NUP107: variants seen among roughly 807,000 people sequenced by gnomAD.
NUP107 encodes the protein nucleoporin 107, also known as nuclear pore complex protein Nup107.
A neutral mutation model predicts 141.0 loss-of-function variants in NUP107; 101 were observed. That is an observed-to-expected ratio of 0.72 (90% CI 0.61 to 0.84). The LOEUF is 0.84. NUP107 is among the 40% of genes least tolerant of loss of function. The probability of loss-of-function intolerance (pLI) is 0.00; values close to 1 mark genes in which losing one functional copy is unlikely to be tolerated. For missense variants in NUP107, 941 were observed against 1,102.7 expected (o/e 0.85, Z 2.08); for synonymous variants, 319 against 363.9 (o/e 0.88, Z 1.41).
intron 22 of NUP107, among the ~76,000 whole-genome samples, chr12:68,732,310 ATTC>A: frequency 6.6e-6 from 1 of 152,060 alleles, no homozygotes; most frequent in African/African-American, 2.4e-5. Flanking sequence ...AATTTTTTGT[ATTC>A]TTTGTAGAGA....
chr12:68,698,714 C>G (rs904499309), intron 6 of NUP107, among the ~76,000 whole-genome samples: 11 of 152,132 alleles, frequency 7.2e-5, no homozygotes, highest in Non-Finnish European at 1.2e-4. Context: ...ATGATTACAA[C>G]TATATGACAT....
intron 17 of NUP107, among the ~76,000 whole-genome samples, chr12:68,725,286 T>C (rs1877512514): frequency 6.6e-6 from 1 of 152,174 alleles, no homozygotes; most frequent in South Asian, 2.1e-4. Flanking sequence ...TTTTTTTTTT[T>C]CACCCTTGGT....
chr12:68,700,893 G>T, intron 7 of NUP107, 40 bp downstream of exon 7: 4 of 1,488,562 alleles, frequency 2.7e-6, no homozygotes, highest in Non-Finnish European at 3.6e-6. Context: ...TAAACATAAG[G>T]TAATAAACCA....
chr12:68,728,028 A>G (rs1481177613), intron 20 of NUP107, among the ~76,000 whole-genome samples: 1 of 152,156 alleles, frequency 6.6e-6, no homozygotes, highest in East Asian at 1.9e-4. Flanking sequence ...CATACCGGTA[A>G]TCCCAACACT....
chr12:68,701,365 G>T (rs765637510), intron 7 of NUP107, among the ~76,000 whole-genome samples: 10 of 152,172 alleles, frequency 6.6e-5, no homozygotes, highest in Non-Finnish European at 1.5e-4. Flanking sequence ...GTTAGAACCA[G>T]AATAACTTGC....
chr12:68,733,706 G>T, intron 24 of NUP107, 94 bp downstream of exon 24: 1 of 1,271,258 alleles, frequency 7.9e-7, no homozygotes, highest in Non-Finnish European at 1.1e-6. Flanking sequence ...AAGTAGTGTT[G>T]GTTCATCTTA....
chr12:68,731,275 A>C lies in NUP107; in HGVS notation c.1885+15A>C. The C allele has an allele frequency of 6.3e-7, 1 of 1,588,080 alleles. No homozygotes were observed. The highest frequency in any genetic ancestry group is 1.2e-5 in the South Asian group (1 of 85,572). On this transcript the variant is annotated intron_variant, in intron 21 of 27. Transcript: ENST00000229179. ...TAAAGAAGCAGGTAAAAATGGTTGA[A>C]AACTTTGTCTTTTGGCCTTTCTAGG...
At chr12:68,693,235 G>A (rs1429768716) in intron 5 of NUP107, among the ~76,000 whole-genome samples, 1 of 151,800 alleles carries the variant, frequency 6.6e-6, no homozygotes, top group Non-Finnish European at 1.5e-5. Flanking sequence ...CCACCACCAC[G>A]CCTGGCTAAT....
At chr12:68,730,812 T>C (rs932612180) in intron 20 of NUP107, among the ~76,000 whole-genome samples, 4 of 151,426 alleles carry the variant, frequency 2.6e-5, no homozygotes, top group Non-Finnish European at 4.4e-5. Context: ...TAAAAAAAAA[T>C]ACAAAAAATT....
At position 68,713,863 on chromosome 12, in the gene NUP107, A is replaced by G. The variant is rs1876987805; in HGVS notation, c.969+55A>G. 3 of 1,399,796 alleles carry G rather than the reference A, an allele frequency of 2.1e-6. No homozygotes were observed. In the African/African-American group the frequency reaches 4.3e-5, roughly 20 times the overall value. 86.7% of individuals were successfully genotyped at this position (1,399,796 alleles called of 1,614,324 possible). On this transcript the variant is annotated intron_variant, in intron 11 of 27. Transcript: ENST00000229179. The stretch of plus-strand genomic sequence containing the variant: ...TCAAAGTTAACTGATTTTTTTTTTC[A>G]GGCTGAGAATTTTTTCTCGTGGATC...
chr12:68,696,958 A>T (rs1416365270), intron 6 of NUP107, 36 bp downstream of exon 6: 10 of 1,292,768 alleles, frequency 7.7e-6, no homozygotes, highest in Non-Finnish European at 1.0e-5. Flanking sequence ...GTCAAACTTC[A>T]GTATTTTTAG....
At chr12:68,694,631 G>A (rs1875962204) in intron 5 of NUP107, among the ~76,000 whole-genome samples, 1 of 152,260 alleles carries the variant, frequency 6.6e-6, no homozygotes, top group South Asian at 2.1e-4. Context: ...GCTGGACGCA[G>A]TGGCTGATGC....
At chr12:68,731,067 T>G (rs528361466) in intron 20 of NUP107, 43 bp from the exon 21 acceptor site, 1 of 1,377,476 alleles carries the variant, frequency 7.3e-7, no homozygotes, top group African/African-American at 1.5e-5. Flanking sequence ...AGTATACTTT[T>G]AATTTTATTA....
chr12:68,730,647 A>G (rs1377488986), intron 20 of NUP107, among the ~76,000 whole-genome samples: 1 of 152,228 alleles, frequency 6.6e-6, no homozygotes, highest in African/African-American at 2.4e-5. Flanking sequence ...TTTAAGAGCC[A>G]ACTGTACTCA....
chr12:68,732,567 T>C (rs1877876181), intron 22 of NUP107, 70 bp from the exon 23 acceptor site: 2 of 843,968 alleles, frequency 2.4e-6, no homozygotes, highest in East Asian at 5.5e-5. Context: ...TTAATTCTAC[T>C]AATTTGTAGA....
rs556382658 is a variant in NUP107 at position 68,738,292 on chromosome 12, T to A, written c.2502+2948T>A. ...TCTGTCTCAAAAATAAAAATAAAAATACAAAAAATTAGCCGGGTGTGGTGG... is the reference window on the plus strand; with the variant it reads ...TCTGTCTCAAAAATAAAAATAAAAAAACAAAAAATTAGCCGGGTGTGGTGG... On this transcript the variant is annotated intron_variant, in intron 26 of 27. Coordinates refer to ENST00000229179, the MANE Select transcript of NUP107 (RefSeq NM_020401.4). Among the ~76,000 whole-genome samples the A allele has an allele frequency of 2.9e-5, 4 of 136,594 alleles. No individual in the cohort carries two copies. The South Asian group carries it at 9.6e-4, about 33-fold the overall frequency. The allele number at this position is 136,594 out of a possible 152,430, so 89.6% of individuals were successfully genotyped here.
At chr12:68,699,540 A>G (rs1470219660) in intron 6 of NUP107, among the ~76,000 whole-genome samples, 1 of 152,226 alleles carries the variant, frequency 6.6e-6, no homozygotes, top group Non-Finnish European at 1.5e-5. Flanking sequence ...TTATAAATGC[A>G]GTAGCTTCAT....
At chr12:68,721,291 ATACT>A in intron 15 of NUP107, 114 bp downstream of exon 15, 2 of 613,938 alleles carry the variant, frequency 3.3e-6, no homozygotes, top group East Asian at 3.0e-5. Flanking sequence ...AAGTATATAC[ATACT>A]TAAGTGTAGC....
At chr12:68,722,734 A>AT (rs1592513736) in intron 17 of NUP107, among the ~76,000 whole-genome samples, 1 of 152,024 alleles carries the variant, frequency 6.6e-6, no homozygotes, top group South Asian at 2.1e-4. Flanking sequence ...CTACAGCTTG[A>AT]TTTTTTTCAT....
Sources: allele counts gnomAD v4.1 joint callset (sites outside exome capture counted in the v4.1 genomes callset), GRCh38; gene constraint gnomAD v4.1.1; transcripts MANE v1.5; gene names NCBI Gene and HGNC (gene_info 2026-07-23, HGNC 2026-07-21).